MTMR7: variants seen among roughly 807,000 people sequenced by gnomAD.
The protein encoded by MTMR7 is myotubularin related protein 7.
MTMR7 carries 76 observed loss-of-function variants against 81.2 expected under a neutral mutation model. That is an observed-to-expected ratio of 0.94 (90% CI 0.78 to 1.13). The LOEUF (loss-of-function observed/expected upper bound fraction) is 1.13, where lower values mean the gene tolerates loss of function less well. Ranked by LOEUF, MTMR7 falls within the 50% of genes most tolerant of loss-of-function variation. The pLI is 0.00. For missense variants in MTMR7, 1,044 were observed against 820.0 expected (o/e 1.27, Z -3.34); for synonymous variants, 372 against 289.8 (o/e 1.28, Z -2.88).
chr8:17,400,765 A>T (rs983627661), intron 1 of MTMR7, among the ~76,000 whole-genome samples: 6 of 129,860 alleles, frequency 4.6e-5, no homozygotes, highest in Admixed American at 4.3e-4. Flanking sequence ...AAGGCTGATA[A>T]GATAAGTTTG....
At chr8:17,325,544 C>G (rs1818637878) in intron 7 of MTMR7, among the ~76,000 whole-genome samples, 1 of 152,188 alleles carries the variant, frequency 6.6e-6, no homozygotes, top group African/African-American at 2.4e-5. Flanking sequence ...GGCCCCCTTT[C>G]ATTCAGTCCC....
intron 12 of MTMR7, 59 bp downstream of exon 12, chr8:17,304,320 A>G: frequency 6.3e-7 from 1 of 1,574,930 alleles, no homozygotes; most frequent in Non-Finnish European, 8.7e-7. Flanking sequence ...TCTGAATGTT[A>G]AACGGTACCA....
chr8:17,374,099 G>A (rs1820499773), intron 1 of MTMR7, among the ~76,000 whole-genome samples: 1 of 152,210 alleles, frequency 6.6e-6, no homozygotes, highest in South Asian at 2.1e-4. Context: ...ACCACCTGCA[G>A]AGAAACACTG....
At chr8:17,350,428 G>A (rs1448848790) in intron 4 of MTMR7, among the ~76,000 whole-genome samples, 1 of 152,190 alleles carries the variant, frequency 6.6e-6, no homozygotes, top group African/African-American at 2.4e-5. Flanking sequence ...CGTGTGTAGG[G>A]GAACTGCCCT....
At chr8:17,407,552 G>C (rs1322908834) in intron 1 of MTMR7, among the ~76,000 whole-genome samples, 1 of 151,758 alleles carries the variant, frequency 6.6e-6, no homozygotes, top group Non-Finnish European at 1.5e-5. Context: ...TATTATAATA[G>C]CCCTAAAATG....
chr8:17,398,629 A>G (rs182938703), intron 1 of MTMR7, among the ~76,000 whole-genome samples: 9 of 152,334 alleles, frequency 5.9e-5, no homozygotes, highest in Admixed American at 5.9e-4. Context: ...ATGGGAATAT[A>G]AAGTGTATTC....
intron 10 of MTMR7, among the ~76,000 whole-genome samples, chr8:17,307,060 G>A (rs968586467): frequency 6.6e-6 from 1 of 152,150 alleles, no homozygotes; most frequent in Admixed American, 6.5e-5. Flanking sequence ...AAACTAAAGA[G>A]CTTCTGCACA....
rs1447571023 is a variant in MTMR7 at position 17,300,148 on chromosome 8, G to T, written c.1697C>A (p.Ser566Ter). The change falls in exon 14 of 14, where the codon TCA (serine) becomes TAA (stop). Residue 566 changes from serine (S) to a stop codon, truncating the protein, a stop_gained. Coordinates refer to ENST00000180173, the MANE Select transcript of MTMR7 (RefSeq NM_004686.5). LOFTEE classifies it high-confidence loss of function. ...GCTGTTGTCTGAGGTAGAAAACCCT[G>T]AGTGCTTGCTGGGCTCACTTTGCTT... The part of the protein sequence containing the change: ...KSKQSEPSKH[S>*]GFSTSDNSIA... The T allele has an allele frequency of 6.2e-7, 1 of 1,614,004 alleles. No homozygotes were observed. Among genetic ancestry groups the T allele is most frequent in the Non-Finnish European group, 8.5e-7 (1 of 1,180,010 alleles).
At chr8:17,401,346 T>G (rs1346554189) in intron 1 of MTMR7, among the ~76,000 whole-genome samples, 2 of 151,906 alleles carry the variant, frequency 1.3e-5, no homozygotes, top group African/African-American at 2.4e-5. Flanking sequence ...TGCAAAGGTG[T>G]TGAAAAAGGA....
chr8:17,321,706 G>A (rs1818396252), intron 7 of MTMR7, among the ~76,000 whole-genome samples: 1 of 152,108 alleles, frequency 6.6e-6, no homozygotes, highest in African/African-American at 2.4e-5. Flanking sequence ...AAACCATTTT[G>A]CTGAACAAAG....
Position 17,371,151 on chromosome 8 carries a change from T to C in MTMR7, c.196A>G (p.Thr66Ala), listed in dbSNP as rs748023548. 4 of 1,614,198 alleles carry C rather than the reference T, an allele frequency of 2.5e-6. No homozygotes were observed. The highest frequency in any genetic ancestry group is 3.4e-6 in the Non-Finnish European group (4 of 1,180,024). ...STIEKQATTA[T>A]GCPLLIRCKN... ...CAGCGAATCAGCAGAGGGCATCCGGTAGCGGTTGTTGCCTGTTTCTCAATG... is the reference window on the plus strand; with the variant it reads ...CAGCGAATCAGCAGAGGGCATCCGGCAGCGGTTGTTGCCTGTTTCTCAATG... The change falls in exon 3 of 14, where the codon ACC (threonine) becomes GCC (alanine). Residue 66 changes from threonine to alanine, a missense_variant. Coordinates refer to ENST00000180173, the MANE Select transcript of MTMR7 (RefSeq NM_004686.5).
chr8:17,340,016 A>C (rs991931423), intron 6 of MTMR7, among the ~76,000 whole-genome samples: 1 of 152,216 alleles, frequency 6.6e-6, no homozygotes, highest in Non-Finnish European at 1.5e-5. Context: ...CAATGGCACG[A>C]TCTCGGCTCA....
chr8:17,360,924 T>C (rs576287970), intron 4 of MTMR7, among the ~76,000 whole-genome samples, 193 bp downstream of exon 4: 1 of 152,168 alleles, frequency 6.6e-6, no homozygotes, highest in Non-Finnish European at 1.5e-5. Flanking sequence ...GTGATCTGTA[T>C]AGCAGGTTCA....
intron 7 of MTMR7, among the ~76,000 whole-genome samples, chr8:17,328,524 C>T (rs993957360): frequency 5.3e-5 from 8 of 151,680 alleles, no homozygotes; most frequent in Non-Finnish European, 8.8e-5. Flanking sequence ...AATGAGAACA[C>T]ATGGCCACAC....
intron 6 of MTMR7, among the ~76,000 whole-genome samples, chr8:17,335,965 C>T (rs1819224246): frequency 1.3e-5 from 2 of 152,154 alleles, no homozygotes; most frequent in Non-Finnish European, 2.9e-5. Flanking sequence ...TAGGCCCTAT[C>T]TGTGTACTGG....
rs200154176 is a variant in MTMR7 at position 17,302,117 on chromosome 8, G to C, written c.1620+37C>G. 668 of 1,613,134 alleles carry C rather than the reference G, an allele frequency of 4.1e-4. 1 individual carries two copies. Among genetic ancestry groups the C allele is most frequent in the Non-Finnish European group, 5.2e-4 (618 of 1,179,396 alleles). The stretch of plus-strand genomic sequence containing the variant: ...TGAAGCCTTGCTCTTCAAGAAATAA[G>C]CACAGAAAATAGATTAACAAAGCAA... On this transcript the variant is annotated intron_variant, in intron 13 of 13. Coordinates refer to ENST00000180173, the MANE Select transcript of MTMR7 (RefSeq NM_004686.5).
chr8:17,406,079 C>G (rs1332436071), intron 1 of MTMR7, among the ~76,000 whole-genome samples: 1 of 151,918 alleles, frequency 6.6e-6, no homozygotes, highest in African/African-American at 2.4e-5. Flanking sequence ...CTTTTATAAT[C>G]AGAAAAAGGC....
intron 10 of MTMR7, among the ~76,000 whole-genome samples, chr8:17,307,065 TGCACAGCA>T (rs1817500879): frequency 6.6e-6 from 1 of 152,174 alleles, no homozygotes; most frequent in South Asian, 2.1e-4. Context: ...AAAGAGCTTC[TGCACAGCA>T]GAAGAAACTA....
chr8:17,304,323 C>T (rs1388261509), intron 12 of MTMR7, 56 bp downstream of exon 12: 18 of 1,577,316 alleles, frequency 1.1e-5, no homozygotes, highest in South Asian at 4.5e-5. Context: ...GAATGTTAAA[C>T]GGTACCAGAA....
Sources: allele counts gnomAD v4.1 joint callset (sites outside exome capture counted in the v4.1 genomes callset), GRCh38; gene constraint gnomAD v4.1.1; transcripts MANE v1.5; gene names NCBI Gene and HGNC (gene_info 2026-07-23, HGNC 2026-07-21).